The following IQCJ variants were observed in gnomAD, a reference collection of about 807,000 sequenced individuals.
The protein encoded by IQCJ is IQ motif containing J.
A neutral mutation model predicts 11.0 loss-of-function variants in IQCJ; 9 were observed. The observed-to-expected ratio is 0.82, with a 90% CI of 0.49 to 1.43. IQCJ has a LOEUF of 1.43. IQCJ is among the 40% of genes most tolerant of loss of function. IQCJ has a pLI of 0.00. For synonymous variants in IQCJ, 55 were observed against 51.3 expected, an observed-to-expected ratio of 1.07 and a Z score of -0.31; for missense variants, 146 against 133.2, an observed-to-expected ratio of 1.10 and a Z score of -0.47.
At chr3:159,149,611 T>G (rs960922345) in intron 1 of IQCJ, among the ~76,000 whole-genome samples, 2 of 152,198 alleles carry the variant, frequency 1.3e-5, no homozygotes, top group African/African-American at 4.8e-5. Context: ...ATGATATTCC[T>G]GGGAAAGCCT....
intron 3 of IQCJ, among the ~76,000 whole-genome samples, chr3:159,255,738 T>A (rs1248813560): frequency 6.6e-6 from 1 of 151,964 alleles, no homozygotes; most frequent in African/African-American, 2.4e-5. Flanking sequence ...ATCAAAAGAG[T>A]GCATCAAAAG....
At chr3:159,174,319 T>C (rs1560013481) in intron 1 of IQCJ, among the ~76,000 whole-genome samples, 2 of 152,136 alleles carry the variant, frequency 1.3e-5, no homozygotes, top group Admixed American at 1.3e-4. Context: ...GTTAGAGTTT[T>C]TAACCTATAT....
intron 1 of IQCJ, among the ~76,000 whole-genome samples, chr3:159,109,537 A>ACAAAAAC (rs1559988548): frequency 6.6e-6 from 1 of 151,232 alleles, no homozygotes; most frequent in South Asian, 2.1e-4. Context: ...TAAAAAAAAA[A>ACAAAAAC]AAAAAAAAAC....
In IQCJ at chr3:159,204,155, A is replaced by G. The variant is rs564037017; in HGVS notation, c.10-41688A>G. Reference sequence around the variant, plus strand: ...ACTGCTGCATAACAAACTTCCTAAAACTTAGTAATATAAAGCAATGACTGT... The same window carrying G: ...ACTGCTGCATAACAAACTTCCTAAAGCTTAGTAATATAAAGCAATGACTGT... On this transcript the variant is annotated intron_variant, in intron 1 of 3. Transcript: ENST00000397832. Among the ~76,000 whole-genome samples, 3 of 152,290 alleles carry G rather than the reference A, an allele frequency of 2.0e-5. No homozygotes were observed. The South Asian group carries it at 6.2e-4, about 32-fold the overall frequency.
chr3:159,162,764 A>G lies in IQCJ; in HGVS notation c.10-83079A>G, dbSNP rs546264410. On this transcript the variant is annotated intron_variant, in intron 1 of 3. Transcript: ENST00000397832. ...ATATCACCACCGATCCTACAGAAAT[A>G]CAAACTACCGTCAGAGAATACTACA... 3.0e-4 allele frequency among the ~76,000 whole-genome samples: 46 copies of G among 152,350 alleles called. No individual in the cohort carries two copies. The South Asian group carries it at 8.7e-3, about 29-fold the overall frequency.
At chr3:159,239,344 A>T (rs2108175708) in intron 1 of IQCJ, among the ~76,000 whole-genome samples, 1 of 152,354 alleles carries the variant, frequency 6.6e-6, no homozygotes, top group South Asian at 2.1e-4. Context: ...TATTGAATAA[A>T]GTACTGCATC....
chr3:159,253,788 T>C (rs1727739778), intron 3 of IQCJ, among the ~76,000 whole-genome samples: 1 of 152,208 alleles, frequency 6.6e-6, no homozygotes, highest in South Asian at 2.1e-4. Context: ...CACCTTGAGG[T>C]GTGTACAACG....
chr3:159,122,568 T>C (rs1446253625), intron 1 of IQCJ, among the ~76,000 whole-genome samples: 1 of 152,196 alleles, frequency 6.6e-6, no homozygotes, highest in Non-Finnish European at 1.5e-5. Flanking sequence ...CCTGATAATA[T>C]TATTTCCTTT....
chr3:159,247,462 ATAGT>A lies in IQCJ; in HGVS notation c.74+1561_74+1564del, dbSNP rs566139780. ...AAAACCAGGGAAATTTTCCACTTTA[ATAGT>A]TAGTTTTGATGAAGAATGGACAGCC... On this transcript the variant is annotated intron_variant, in intron 2 of 3. Coordinates refer to ENST00000397832, the MANE Select transcript of IQCJ (RefSeq NM_001042706.3). Among the ~76,000 whole-genome samples the A allele has an allele frequency of 1.7e-4, 26 of 152,300 alleles. No individual in the cohort carries two copies. The South Asian group carries it at 4.6e-3, about 27-fold the overall frequency.
rs12637650 is a variant in IQCJ at position 159,208,084 on chromosome 3, A to G, written c.10-37759A>G. Among the ~76,000 whole-genome samples the G allele has an allele frequency of 5.4e-4, 83 of 152,340 alleles. 1 individual carries two copies. In the East Asian group the frequency reaches 0.014, roughly 26 times the overall value. On this transcript the variant is annotated intron_variant, in intron 1 of 3. Transcript: ENST00000397832. ...GAGCAACTTAGAAGGGAGAAAAAAA[A>G]TGAGCTCATTGAGTCTTCATGGACC... is the stretch of plus-strand genomic sequence containing the variant.
chr3:159,210,910 GA>G (rs897688203), intron 1 of IQCJ, among the ~76,000 whole-genome samples: 3 of 148,612 alleles, frequency 2.0e-5, no homozygotes, highest in African/African-American at 7.3e-5. Context: ...GACCTCAGGT[GA>G]TCCGCCCACC....
At chr3:159,083,132 CTT>C (rs376575483) in intron 1 of IQCJ, among the ~76,000 whole-genome samples, 122 of 152,240 alleles carry the variant, frequency 8.0e-4, no homozygotes, top group African/African-American at 2.8e-3. Flanking sequence ...ACATTAAAAA[CTT>C]TTGTTCTGTG....
At chr3:159,174,149 T>C (rs1051389094) in intron 1 of IQCJ, among the ~76,000 whole-genome samples, 2 of 152,154 alleles carry the variant, frequency 1.3e-5, no homozygotes, top group African/African-American at 4.8e-5. Flanking sequence ...ATTCTTGTTT[T>C]TTAATATTGG....
At chr3:159,202,160 A>G (rs1277161936) in intron 1 of IQCJ, among the ~76,000 whole-genome samples, 1 of 152,156 alleles carries the variant, frequency 6.6e-6, no homozygotes, top group African/African-American at 2.4e-5. Context: ...CCATAGTTTC[A>G]TCAGCCTCTC....
chr3:159,213,290 A>G lies in IQCJ; in HGVS notation c.10-32553A>G, dbSNP rs1222689354. Among the ~76,000 whole-genome samples the G allele has an allele frequency of 3.3e-5, 5 of 152,204 alleles. No individual in the cohort carries two copies. The East Asian group carries it at 5.8e-4, about 18-fold the overall frequency. On this transcript the variant is annotated intron_variant, in intron 1 of 3. Transcript: ENST00000397832. ...TCAGAAATCAACATAGCAGATTAGC[A>G]TTCAAGGTGGAGCCACTTTTGTCTC... is the stretch of plus-strand genomic sequence containing the variant.
At chr3:159,198,973 A>G (rs1724156456) in intron 1 of IQCJ, among the ~76,000 whole-genome samples, 2 of 152,164 alleles carry the variant, frequency 1.3e-5, no homozygotes, top group African/African-American at 4.8e-5. Context: ...GAAGGATTAG[A>G]CCCTTTAAGA....
intron 1 of IQCJ, among the ~76,000 whole-genome samples, chr3:159,139,798 C>G (rs1388158484): frequency 6.6e-6 from 1 of 152,142 alleles, no homozygotes; most frequent in East Asian, 1.9e-4. Flanking sequence ...GTGCCCATCT[C>G]TCCAAGGCCC....
At chr3:159,208,017 T>C (rs1246133364) in intron 1 of IQCJ, among the ~76,000 whole-genome samples, 2 of 151,880 alleles carry the variant, frequency 1.3e-5, no homozygotes, top group Non-Finnish European at 2.9e-5. Flanking sequence ...TTTAGCAGAG[T>C]TGTGACAAGA....
chr3:159,233,783 G>A (rs564489805), intron 1 of IQCJ, among the ~76,000 whole-genome samples: 1 of 152,188 alleles, frequency 6.6e-6, no homozygotes, highest in East Asian at 1.9e-4. Context: ...ATCTCTCTGT[G>A]GATGACCAGC....
Sources: allele counts gnomAD v4.1 joint callset (sites outside exome capture counted in the v4.1 genomes callset), GRCh38; gene constraint gnomAD v4.1.1; transcripts MANE v1.5; gene names NCBI Gene and HGNC (gene_info 2026-07-23, HGNC 2026-07-21).